PYROXD2: variants seen among roughly 807,000 people sequenced by gnomAD.
The protein encoded by PYROXD2 is pyridine nucleotide-disulfide oxidoreductase domain-containing protein 2.
PYROXD2 carries 69 observed loss-of-function variants against 71.1 expected under a neutral mutation model. The ratio of observed to expected loss-of-function variants is 0.97; its 90% CI spans 0.80 to 1.19. The LOEUF (loss-of-function observed/expected upper bound fraction) is 1.19, where lower values mean the gene tolerates loss of function less well. PYROXD2 is among the 50% of genes most tolerant of loss of function. PYROXD2 has a pLI of 0.00. For synonymous variants in PYROXD2, 287 were observed against 302.7 expected (o/e 0.95, Z 0.54); for missense variants, 745 against 748.9 (o/e 0.99, Z 0.06).
chr10:98,394,186 G>T (rs577258471), intron 8 of PYROXD2, among the ~76,000 whole-genome samples: 1 of 152,158 alleles, frequency 6.6e-6, no homozygotes, highest in South Asian at 2.1e-4. Context: ...ACAGGCAAGC[G>T]CTCATCCATA....
Position 98,384,971 on chromosome 10 carries a change from G to T in PYROXD2, c.1651C>A (p.Leu551Ile), listed in dbSNP as rs1190156655. 1.9e-6 allele frequency: 3 copies of T among 1,613,430 alleles called. No individual in the cohort carries two copies. Among genetic ancestry groups the T allele is most frequent in the Non-Finnish European group, 2.5e-6 (3 of 1,179,890 alleles). The change falls in exon 15 of 16, where the codon CTC becomes ATC. Residue 551 changes from leucine to isoleucine, a missense_variant. Leu to Ile is a conservative substitution (Grantham distance 5). Coordinates refer to ENST00000370575, the MANE Select transcript of PYROXD2 (RefSeq NM_032709.3). ...CCAGGATGAGCCCCACTTCCACAGA[G>T]ATACAGGCCCTGGAGAGGGCAGCGG... ...GYRCPLQGLYLCGSGAHPGGG... is the reference protein window; with the variant it reads ...GYRCPLQGLYICGSGAHPGGG...
chr10:98,392,661 T>C (rs1842987242), intron 9 of PYROXD2, 95 bp from the exon 10 acceptor site: 2 of 1,539,882 alleles, frequency 1.3e-6, no homozygotes, highest in Non-Finnish European at 1.7e-6. Context: ...CTCCTAGGCA[T>C]TCACAACTTC....
chr10:98,400,043 C>G, intron 5 of PYROXD2, 59 bp downstream of exon 5: 1 of 1,581,556 alleles, frequency 6.3e-7, no homozygotes, highest in Non-Finnish European at 8.6e-7. Flanking sequence ...ACAATCCAAC[C>G]AGGCCCATCT....
chr10:98,393,305 A>G (rs1843015561), intron 8 of PYROXD2, among the ~76,000 whole-genome samples: 1 of 152,128 alleles, frequency 6.6e-6, no homozygotes. Context: ...ATTACCACAA[A>G]GAAGGCAACG....
chr10:98,401,581 A>G (rs1463077812), intron 4 of PYROXD2, among the ~76,000 whole-genome samples: 1 of 152,222 alleles, frequency 6.6e-6, no homozygotes, highest in Non-Finnish European at 1.5e-5. Flanking sequence ...CACTTGGCTT[A>G]AAACACAAAC....
chr10:98,395,112 T>G (rs1843115589), intron 8 of PYROXD2, 84 bp downstream of exon 8: 1 of 1,165,890 alleles, frequency 8.6e-7, no homozygotes, highest in Non-Finnish European at 1.3e-6. Context: ...TGGCAGCTGT[T>G]GTTGCTGCCA....
intron 4 of PYROXD2, among the ~76,000 whole-genome samples, chr10:98,401,123 C>T (rs1254039144): frequency 6.6e-6 from 1 of 151,854 alleles, no homozygotes; most frequent in African/African-American, 2.4e-5. Flanking sequence ...CATGGTGGCA[C>T]GCACCTGTAG....
rs1409965227 is a variant in PYROXD2, at chr10:98,393,005, A to T, written c.864T>A (p.Gly288=). 6.2e-7 allele frequency: 1 copy of T among 1,613,152 alleles called. No individual in the cohort carries two copies. Among genetic ancestry groups the T allele is most frequent in the Non-Finnish European group, 8.5e-7 (1 of 1,179,488 alleles). Residue 288 remains glycine, a synonymous_variant, in exon 9 of 16, where the codon GGT becomes GGA. Transcript: ENST00000370575. ...GAWGYVQGGM[G]ALSDAIASSA... ...AGCTTGCGATCGCATCAGAGAGGGC[A>T]CCCATGCCCCCCTGGACGTAGCCCC... is the stretch of plus-strand genomic sequence containing the variant.
chr10:98,389,810 G>C (rs547438772), intron 12 of PYROXD2, among the ~76,000 whole-genome samples: 23 of 152,320 alleles, frequency 1.5e-4, no homozygotes, highest in Non-Finnish European at 2.8e-4. Context: ...CATGGATAGA[G>C]AGTCAACGAC....
At position 98,390,686 on chromosome 10, in the gene PYROXD2, G is replaced by A; in HGVS notation, c.1204C>T (p.His402Tyr). Reference sequence around the variant, plus strand: ...CAGTTCAGGTGGATGGAGCATTGGTGATGGGGCAGCGGCTGGCCCCTGGGA... The same window carrying A: ...CAGTTCAGGTGGATGGAGCATTGGTAATGGGGCAGCGGCTGGCCCCTGGGA... Reference protein sequence around the residue: ...NAPRGQPLPHHQCSIHLNCED... With the variant: ...NAPRGQPLPHYQCSIHLNCED... Residue 402 changes from histidine (H) to tyrosine (Y), a missense_variant, in exon 12 of 16, where the codon CAC becomes TAC. His to Tyr is a moderately conservative substitution (Grantham distance 83). Coordinates refer to ENST00000370575, the MANE Select transcript of PYROXD2 (RefSeq NM_032709.3). 1 of 1,613,078 alleles carries A rather than the reference G, an allele frequency of 6.2e-7. No individual in the cohort carries two copies. Among genetic ancestry groups the A allele is most frequent in the Non-Finnish European group, 8.5e-7 (1 of 1,179,374 alleles).
rs138840526 is a variant in PYROXD2 at position 98,384,995 on chromosome 10, G to A, written c.1627C>T (p.Arg543Cys). 25 of 1,613,800 alleles carry A rather than the reference G, an allele frequency of 1.5e-5. No individual in the cohort carries two copies. In the African/African-American group the frequency reaches 2.0e-4, roughly 13 times the overall value. Residue 543 changes from arginine to cysteine, a missense_variant, in exon 15 of 16, where the codon CGC becomes TGC. By Grantham distance (180) the Arg-to-Cys change is radical. Transcript: ENST00000370575. ...AGATACAGGCCCTGGAGAGGGCAGC[G>A]GTAGCCAGAATGCAGGGGCACGGGG... Reference protein sequence around the residue: ...ARPVPLHSGYRCPLQGLYLCG... With the variant: ...ARPVPLHSGYCCPLQGLYLCG...
chr10:98,400,452 G>A (rs894492487), intron 4 of PYROXD2, among the ~76,000 whole-genome samples, 195 bp from the exon 5 acceptor site: 2 of 152,046 alleles, frequency 1.3e-5, no homozygotes, highest in Admixed American at 1.3e-4. Context: ...AGACGATACT[G>A]TATCACATCG....
chr10:98,406,498 G>C (rs968402706), intron 4 of PYROXD2, among the ~76,000 whole-genome samples: 3 of 152,164 alleles, frequency 2.0e-5, no homozygotes, highest in African/African-American at 7.2e-5. Flanking sequence ...CTGTTTCAGT[G>C]GCTTGAAGAA....
chr10:98,404,183 GC>G (rs1456185201), intron 4 of PYROXD2, among the ~76,000 whole-genome samples: 5 of 152,004 alleles, frequency 3.3e-5, no homozygotes, highest in African/African-American at 1.2e-4. Flanking sequence ...TGTGTCAATC[GC>G]CGAGTTTTGG....
chr10:98,394,157 C>A (rs940820108), intron 8 of PYROXD2, among the ~76,000 whole-genome samples: 1 of 152,318 alleles, frequency 6.6e-6, no homozygotes, highest in Non-Finnish European at 1.5e-5. Context: ...CGCTCACTAC[C>A]GTATCCCCAG....
intron 4 of PYROXD2, among the ~76,000 whole-genome samples, chr10:98,402,779 A>T (rs1217737840): frequency 6.6e-6 from 1 of 152,144 alleles, no homozygotes; most frequent in South Asian, 2.1e-4. Flanking sequence ...TTGTCAGCAC[A>T]TGGCTAATCA....
At chr10:98,400,617 T>C (rs769268769) in intron 4 of PYROXD2, among the ~76,000 whole-genome samples, 7 of 151,826 alleles carry the variant, frequency 4.6e-5, no homozygotes, top group Non-Finnish European at 8.8e-5. Flanking sequence ...TGTGATACCA[T>C]ACCATGCCAT....
At chr10:98,402,102 C>T (rs1215807227) in intron 4 of PYROXD2, among the ~76,000 whole-genome samples, 1 of 152,318 alleles carries the variant, frequency 6.6e-6, no homozygotes, top group Middle Eastern at 3.4e-3. Flanking sequence ...ACTATGGCAT[C>T]GCTAGGGGAC....
chr10:98,396,459 G>T (rs556395624), intron 6 of PYROXD2, among the ~76,000 whole-genome samples: 1 of 151,300 alleles, frequency 6.6e-6, no homozygotes, highest in East Asian at 1.9e-4. Flanking sequence ...GAAGACATGT[G>T]GGAAACAAAT....
Sources: gnomAD v4.1 joint callset for allele counts (sites outside exome capture counted in the v4.1 genomes callset) on GRCh38, gnomAD v4.1.1 for gene constraint, MANE v1.5 for transcripts, NCBI Gene and HGNC (gene_info 2026-07-23, HGNC 2026-07-21) for gene names.